The following TANC1 variants were observed in gnomAD, a reference collection of about 807,000 sequenced individuals.
TANC1 encodes protein TANC1.
TANC1 carries 77 observed loss-of-function variants against 149.7 expected under a neutral mutation model. That is an observed-to-expected ratio of 0.51 (90% CI 0.43 to 0.62). The LOEUF (loss-of-function observed/expected upper bound fraction) is 0.62, where lower values mean the gene tolerates loss of function less well. Among genes scored for constraint, TANC1 ranks in the 20% least tolerant of loss-of-function variants. The probability of loss-of-function intolerance (pLI) is 0.00; values close to 1 mark genes in which losing one functional copy is unlikely to be tolerated. For missense variants in TANC1, 1,985 were observed against 2,321.8 expected (o/e 0.85, Z 2.98); for synonymous variants, 854 against 925.0 (o/e 0.92, Z 1.39).
intron 17 of TANC1, among the ~76,000 whole-genome samples, chr2:159,194,729 C>A (rs369957556): frequency 6.6e-6 from 1 of 152,322 alleles, no homozygotes. Context: ...CCAGGGAGAC[C>A]CTGGCTCCTA....
chr2:159,075,581 C>CA (rs1371007094), intron 3 of TANC1, among the ~76,000 whole-genome samples: 7 of 150,890 alleles, frequency 4.6e-5, no homozygotes, highest in East Asian at 3.9e-4. Context: ...CTTGTCTCCA[C>CA]AAAAAAAAGA....
chr2:159,054,116 A>G (rs909554470), intron 2 of TANC1, among the ~76,000 whole-genome samples: 1 of 152,018 alleles, frequency 6.6e-6, no homozygotes, highest in Non-Finnish European at 1.5e-5. Context: ...TTTGACTCTC[A>G]CCACTCCCTG....
intron 1 of TANC1, among the ~76,000 whole-genome samples, chr2:158,977,899 C>A (rs1407391251): frequency 6.6e-6 from 1 of 152,038 alleles, no homozygotes; most frequent in African/African-American, 2.4e-5. Flanking sequence ...TTGCCTCTTC[C>A]CTCACCCTAC....
intron 3 of TANC1, among the ~76,000 whole-genome samples, chr2:159,077,961 C>A (rs985028402): frequency 4.6e-5 from 7 of 152,184 alleles, no homozygotes; most frequent in Non-Finnish European, 8.8e-5. Context: ...AGGTTATGAT[C>A]AAACTATTTC....
chr2:159,202,198 A>C (rs1171371895), intron 19 of TANC1, among the ~76,000 whole-genome samples: 1 of 152,194 alleles, frequency 6.6e-6, no homozygotes, highest in East Asian at 1.9e-4. Context: ...GGCACTGGGC[A>C]CAGCAGCAGC....
rs546773488 is a variant in TANC1, at chr2:159,125,224, G to A, written c.260-10970G>A. Among the ~76,000 whole-genome samples the A allele has an allele frequency of 1.1e-4, 16 of 152,230 alleles. No homozygotes were observed. In the East Asian group the frequency reaches 1.4e-3, roughly 13 times the overall value. ...CACAGCCACACAACCTGCTTTATAC[G>A]CCTGGTGAGGCTCCAGCTTTGTCCT... On this transcript the variant is annotated intron_variant, in intron 4 of 26. Coordinates refer to ENST00000263635, the MANE Select transcript of TANC1 (RefSeq NM_033394.3).
chr2:159,087,666 C>T (rs1432369536), intron 3 of TANC1, among the ~76,000 whole-genome samples: 1 of 151,570 alleles, frequency 6.6e-6, no homozygotes, highest in Non-Finnish European at 1.5e-5. Flanking sequence ...AGCCACCACA[C>T]CTGGCCAATG....
chr2:159,175,249 A>G, intron 12 of TANC1, 65 bp downstream of exon 12: 2 of 1,383,332 alleles, frequency 1.4e-6, no homozygotes, highest in East Asian at 2.3e-5. Context: ...GGTGGTCCCC[A>G]GAAGGCAGGT....
chr2:159,108,583 G>A (rs1462551704), intron 4 of TANC1, among the ~76,000 whole-genome samples: 2 of 152,204 alleles, frequency 1.3e-5, no homozygotes, highest in East Asian at 3.8e-4. Flanking sequence ...CCATGCAGGT[G>A]ATTATATCTA....
At chr2:159,082,309 C>T (rs2044358277) in intron 3 of TANC1, among the ~76,000 whole-genome samples, 1 of 151,854 alleles carries the variant, frequency 6.6e-6, no homozygotes, top group African/African-American at 2.4e-5. Flanking sequence ...GTACCGAGGG[C>T]TCCTGAGTCA....
intron 2 of TANC1, among the ~76,000 whole-genome samples, chr2:159,040,940 GT>G (rs2040581687): frequency 6.6e-6 from 1 of 152,190 alleles, no homozygotes; most frequent in Non-Finnish European, 1.5e-5. Context: ...TACAGATGGG[GT>G]TTTGGTGTGG....
intron 2 of TANC1, among the ~76,000 whole-genome samples, chr2:159,061,415 A>G (rs1219612615): frequency 1.3e-5 from 2 of 152,208 alleles, no homozygotes; most frequent in East Asian, 1.9e-4. Flanking sequence ...ACAGTGAGTT[A>G]TAAGACTCTC....
rs767406444 is a variant in TANC1, at chr2:159,196,640, G to T, written c.3012G>T (p.Ala1004=). The T allele has an allele frequency of 2.5e-6, 4 of 1,611,180 alleles. No homozygotes were observed. Among genetic ancestry groups the T allele is most frequent in the Non-Finnish European group, 3.4e-6 (4 of 1,178,074 alleles). The change falls in exon 18 of 27, where the codon GCG becomes GCT. Residue 1004 remains alanine (A), a synonymous_variant. Coordinates refer to ENST00000263635, the MANE Select transcript of TANC1 (RefSeq NM_033394.3). ...ACTTGGATAAGAAGGGCCAGTGTGC[G>T]CTTGTCCACAGTGCCCTACGGGGCC... ...VDHLDKKGQC[A]LVHSALRGHG... is the part of the protein sequence containing the mutation.
chr2:159,127,467 C>T (rs1485203554), intron 4 of TANC1, among the ~76,000 whole-genome samples: 1 of 152,184 alleles, frequency 6.6e-6, no homozygotes, highest in Non-Finnish European at 1.5e-5. Context: ...GAGGTATATA[C>T]CCAAAAGAAC....
chr2:159,091,778 T>G (rs1173229842), intron 3 of TANC1, among the ~76,000 whole-genome samples: 1 of 152,328 alleles, frequency 6.6e-6, no homozygotes, highest in Non-Finnish European at 1.5e-5. Flanking sequence ...TAATCATGAT[T>G]GTCTGAATAA....
chr2:159,112,259 G>GT (rs1301031160), intron 4 of TANC1, among the ~76,000 whole-genome samples: 13 of 151,852 alleles, frequency 8.6e-5, no homozygotes, highest in African/African-American at 9.7e-5. Context: ...TTTTTGTTTT[G>GT]TTTTTGAGAC....
At chr2:159,079,150 A>C (rs553298240) in intron 3 of TANC1, among the ~76,000 whole-genome samples, 2 of 152,264 alleles carry the variant, frequency 1.3e-5, no homozygotes, top group South Asian at 4.1e-4. Context: ...ATCTCAGTTC[A>C]GCAAAAAGTG....
rs58675911 is a variant in TANC1, at chr2:159,062,973, C to CAAAAAAAAAAAAAAAAA, written c.-15-2917_-15-2901dup. On this transcript the variant is annotated intron_variant, in intron 2 of 26. Coordinates refer to ENST00000263635, the MANE Select transcript of TANC1 (RefSeq NM_033394.3). ...TGGGCGACAGAGCGAGACTCCGTCTCAAAAAAAAAAAAAAAAAAAAAAGAA... is the reference window on the plus strand; with the variant it reads ...TGGGCGACAGAGCGAGACTCCGTCTCAAAAAAAAAAAAAAAAAAAAAAAAAAAAAAAAAAAAAAAGAA... 3.1e-3 allele frequency among the ~76,000 whole-genome samples: 129 copies of CAAAAAAAAAAAAAAAAA among 41,190 alleles called. 4 individuals are homozygous for CAAAAAAAAAAAAAAAAA. The highest frequency in any genetic ancestry group is 4.6e-3 in the Non-Finnish European group (86 of 18,662). 27.0% of individuals were successfully genotyped at this position (41,190 alleles called of 152,430 possible).
intron 2 of TANC1, among the ~76,000 whole-genome samples, chr2:159,011,622 A>G (rs1259770842): frequency 6.7e-6 from 1 of 150,138 alleles, no homozygotes; most frequent in Non-Finnish European, 1.5e-5. Flanking sequence ...TGCATCCTCA[A>G]GGTCCTGGCC....
Sources: gnomAD v4.1 joint callset for allele counts (sites outside exome capture counted in the v4.1 genomes callset) on GRCh38, gnomAD v4.1.1 for gene constraint, MANE v1.5 for transcripts, NCBI Gene and HGNC (gene_info 2026-07-23, HGNC 2026-07-21) for gene names.